CLASP1: variants seen among roughly 807,000 people sequenced by gnomAD.
CLASP1 encodes cytoplasmic linker associated protein 1.
A neutral mutation model predicts 192.3 loss-of-function variants in CLASP1; 38 were observed. The ratio of observed to expected loss-of-function variants is 0.20; its 90% confidence interval spans 0.15 to 0.26. CLASP1 has a LOEUF of 0.26. CLASP1 is among the 10% of genes least tolerant of loss of function. The pLI, the probability that CLASP1 is intolerant of heterozygous loss-of-function variation, is 1.00. For synonymous variants in CLASP1, 691 were observed against 712.8 expected, an observed-to-expected ratio of 0.97 and a Z score of 0.49; for missense variants, 1,433 against 1,932.5, an observed-to-expected ratio of 0.74 and a Z score of 4.85.
intron 15 of CLASP1, 71 bp from the exon 16 acceptor site, chr2:121,451,061 G>A (rs2085367460): frequency 9.5e-7 from 1 of 1,050,246 alleles, no homozygotes; most frequent in African/African-American, 1.6e-5. Flanking sequence ...CCAGGTGGGA[G>A]AAATAACTTC....
intron 1 of CLASP1, among the ~76,000 whole-genome samples, chr2:121,616,292 C>T (rs1010143521): frequency 6.6e-6 from 1 of 151,978 alleles, no homozygotes; most frequent in African/African-American, 2.4e-5. Flanking sequence ...ACTAAAAATA[C>T]AAAAATTAGC....
intron 37 of CLASP1, among the ~76,000 whole-genome samples, chr2:121,361,182 A>C (rs1436185753): frequency 6.6e-6 from 1 of 152,148 alleles, no homozygotes; most frequent in South Asian, 2.1e-4. Flanking sequence ...CTCTATGTAA[A>C]GGTGCAGTGG....
intron 32 of CLASP1, 61 bp downstream of exon 33, chr2:121,387,061 G>A: frequency 7.7e-7 from 1 of 1,303,616 alleles, no homozygotes; most frequent in Non-Finnish European, 1.1e-6. Flanking sequence ...GAAATAGGAT[G>A]CACAGCAATT....
intron 8 of CLASP1, among the ~76,000 whole-genome samples, chr2:121,486,379 TCAA>T (rs1284739841): frequency 1.3e-5 from 2 of 152,176 alleles, no homozygotes; most frequent in Admixed American, 6.5e-5. Context: ...CTTCCAGAAG[TCAA>T]CAACTAAAAT....
chr2:121,602,897 G>A (rs1173031197), intron 2 of CLASP1, among the ~76,000 whole-genome samples: 1 of 151,836 alleles, frequency 6.6e-6, no homozygotes, highest in Non-Finnish European at 1.5e-5. Context: ...CATTAGTCTG[G>A]GAAAATATTT....
chr2:121,411,058 A>G, intron 23 of CLASP1, 89 bp from the exon 25 acceptor site: 1 of 779,584 alleles, frequency 1.3e-6, no homozygotes, highest in South Asian at 1.8e-5. Context: ...CCCACCAAGT[A>G]GACAGAAGTA....
At chr2:121,399,807 A>G (rs2075875147) in intron 28 of CLASP1, among the ~76,000 whole-genome samples, 1 of 152,212 alleles carries the variant, frequency 6.6e-6, no homozygotes. Flanking sequence ...TAAATATATG[A>G]AATAGATCTG....
intron 1 of CLASP1, among the ~76,000 whole-genome samples, chr2:121,613,940 A>G (rs1300184513): frequency 6.6e-6 from 1 of 152,166 alleles, no homozygotes; most frequent in Non-Finnish European, 1.5e-5. Context: ...GTCATCTGGC[A>G]TTTTTACTGC....
chr2:121,418,595 C>T, intron 23 of CLASP1, 27 bp downstream of exon 23: 1 of 1,533,516 alleles, frequency 6.5e-7, no homozygotes, highest in Non-Finnish European at 9.0e-7. Flanking sequence ...ACTCTTTGCT[C>T]CTCAGCCAGC....
At chr2:121,511,059 G>C (rs1355291876) in intron 7 of CLASP1, among the ~76,000 whole-genome samples, 1 of 152,122 alleles carries the variant, frequency 6.6e-6, no homozygotes, top group Non-Finnish European at 1.5e-5. Context: ...CAAGTAGAAA[G>C]TATGAGTATG....
intron 2 of CLASP1, among the ~76,000 whole-genome samples, chr2:121,548,000 T>C (rs2057640214): frequency 6.6e-6 from 1 of 152,100 alleles, no homozygotes; most frequent in African/African-American, 2.4e-5. Context: ...ATGCAAGAAC[T>C]CCAGTAACTG....
At chr2:121,427,273 C>A in intron 21 of CLASP1, 131 bp downstream of exon 21, 1 of 1,174,328 alleles carries the variant, frequency 8.5e-7, no homozygotes, top group South Asian at 1.7e-5. Flanking sequence ...AATTTGAACA[C>A]AAAGAAAAAC....
intron 9 of CLASP1, among the ~76,000 whole-genome samples, chr2:121,466,622 G>A (rs1438862812): frequency 6.6e-6 from 1 of 152,050 alleles, no homozygotes; most frequent in Non-Finnish European, 1.5e-5. Flanking sequence ...AATTTCAGAG[G>A]GAATTTGCAT....
At chr2:121,608,507 C>A (rs1056094135) in intron 1 of CLASP1, among the ~76,000 whole-genome samples, 4 of 152,190 alleles carry the variant, frequency 2.6e-5, no homozygotes, top group Non-Finnish European at 4.4e-5. Flanking sequence ...GCCTATTGGA[C>A]ATGAGAGGCC....
chr2:121,632,965 GGT>G (rs71398037), intron 1 of CLASP1, among the ~76,000 whole-genome samples: 27,414 of 134,598 alleles, frequency 0.2, 4,324 homozygotes, highest in African/African-American at 0.43. Context: ...AACAGAGGGA[GGT>G]GTGTGTGTGT....
At chr2:121,559,422 C>G (rs1308194509) in intron 2 of CLASP1, among the ~76,000 whole-genome samples, 1 of 152,062 alleles carries the variant, frequency 6.6e-6, no homozygotes, top group Non-Finnish European at 1.5e-5. Context: ...TCATAATAGT[C>G]AAAAAGTGAA....
chr2:121,537,138 TC>T (rs1458433009), intron 2 of CLASP1, among the ~76,000 whole-genome samples: 8 of 152,212 alleles, frequency 5.3e-5, no homozygotes, highest in African/African-American at 1.4e-4. Context: ...ACACCTGTAA[TC>T]CCAGCAATTT....
chr2:121,530,705 G>A (rs549016194), intron 2 of CLASP1: 16 of 511,218 alleles, frequency 3.1e-5, no homozygotes, highest in African/African-American at 3.0e-4. Flanking sequence ...CCGAGCCGCC[G>A]CTTTTGCGAC....
chr2:121,583,774 T>G (rs1224027740), intron 2 of CLASP1, among the ~76,000 whole-genome samples: 1 of 152,148 alleles, frequency 6.6e-6, no homozygotes, highest in Non-Finnish European at 1.5e-5. Flanking sequence ...ATGTTGAAAC[T>G]GCAACTTAGT....
Sources: allele counts gnomAD v4.1 joint callset (sites outside exome capture counted in the v4.1 genomes callset), GRCh38; gene constraint gnomAD v4.1.1; transcripts MANE v1.5; gene names NCBI Gene and HGNC (gene_info 2026-07-23, HGNC 2026-07-21).